PHF21A: variants seen among roughly 807,000 people sequenced by gnomAD.
PHF21A encodes the protein BHC80a.
In PHF21A, 11 loss-of-function variants were observed where a neutral mutation model predicts 82.5. The ratio of observed to expected loss-of-function variants is 0.13; its 90% CI spans 0.08 to 0.22. PHF21A has a LOEUF of 0.22. Ranked by LOEUF, PHF21A falls within the 10% of genes least tolerant of loss-of-function variation. PHF21A has a pLI of 1.00. For synonymous variants in PHF21A, 297 were observed against 302.8 expected, an observed-to-expected ratio of 0.98 and a Z score of 0.20; for missense variants, 579 against 837.8, an observed-to-expected ratio of 0.69 and a Z score of 3.81.
intron 6 of PHF21A, among the ~76,000 whole-genome samples, chr11:46,062,245 T>C (rs528994763): frequency 1.9e-4 from 29 of 152,236 alleles, no homozygotes; most frequent in African/African-American, 6.7e-4. Flanking sequence ...TTATATGCCC[T>C]TCGGTTGTGG....
intron 3 of PHF21A, among the ~76,000 whole-genome samples, chr11:46,086,452 CCAAT>C (rs1286199144): frequency 2.0e-5 from 3 of 152,226 alleles, no homozygotes; most frequent in African/African-American, 4.8e-5. Context: ...GGAATGATAA[CCAAT>C]CAATCAATAA....
intron 1 of PHF21A, among the ~76,000 whole-genome samples, chr11:46,118,520 T>C (rs1433661174): frequency 1.3e-5 from 2 of 152,024 alleles, no homozygotes; most frequent in East Asian, 1.9e-4. Flanking sequence ...CACTTAAGGA[T>C]AGTTGTACAT....
chr11:46,058,808 T>C (rs2096494309), intron 6 of PHF21A, among the ~76,000 whole-genome samples: 1 of 152,196 alleles, frequency 6.6e-6, no homozygotes, highest in South Asian at 2.1e-4. Flanking sequence ...AACAAGCCAG[T>C]GGGTCTGGGA....
At chr11:46,018,249 CAAAAA>C (rs772133757) in intron 6 of PHF21A, among the ~76,000 whole-genome samples, 3 of 76,254 alleles carry the variant, frequency 3.9e-5, no homozygotes, top group East Asian at 9.7e-4. Flanking sequence ...GACTCCGTCT[CAAAAA>C]AAAAAAAAAA....
chr11:45,941,283 G>A (rs1480302409), intron 15 of PHF21A, among the ~76,000 whole-genome samples: 1 of 152,040 alleles, frequency 6.6e-6, no homozygotes, highest in Non-Finnish European at 1.5e-5. Flanking sequence ...ATTTTTTGTA[G>A]AGATGGGGGT....
At chr11:46,070,235 A>G (rs1275252797) in intron 6 of PHF21A, among the ~76,000 whole-genome samples, 6 of 152,216 alleles carry the variant, frequency 3.9e-5, no homozygotes, top group Non-Finnish European at 5.9e-5. Context: ...CAAATTTAAA[A>G]TTGAGAATGA....
chr11:46,049,966 A>G (rs796901322), intron 6 of PHF21A, among the ~76,000 whole-genome samples: 44 of 152,392 alleles, frequency 2.9e-4, no homozygotes, highest in African/African-American at 1.1e-3. Context: ...TAACTCAATC[A>G]AAGTAGGACC....
intron 6 of PHF21A, among the ~76,000 whole-genome samples, chr11:46,040,919 ACACACACACACACACG>A (rs772152315): frequency 2.9e-4 from 44 of 149,382 alleles, no homozygotes; most frequent in Middle Eastern, 3.4e-3. Flanking sequence ...ACACACACAC[ACACACACACACACACG>A]CACGCACAAT....
chr11:46,004,469 T>C (rs1466205134), intron 6 of PHF21A, among the ~76,000 whole-genome samples: 3 of 152,134 alleles, frequency 2.0e-5, no homozygotes, highest in Non-Finnish European at 2.9e-5. Context: ...GAGAAGGAAG[T>C]CCTTGTTCTA....
intron 10 of PHF21A, 137 bp downstream of exon 10, chr11:45,965,178 T>C (rs2093358469): frequency 4.1e-6 from 3 of 730,482 alleles, no homozygotes; most frequent in South Asian, 3.8e-5. Context: ...GGATGAATTA[T>C]CGCACATAAG....
rs946682944 is a variant in PHF21A, at chr11:45,932,294, T to C, written c.*1674A>G. ...AGCAGCACCAAAGGAAGGGATCTTA[T>C]TTAGGCACCAGCCTTTTGCTCTAGC... is the stretch of plus-strand genomic sequence containing the variant. On this transcript the variant is annotated 3_prime_UTR_variant, in exon 19 of 19. Coordinates refer to ENST00000676320, the MANE Select transcript of PHF21A (RefSeq NM_001352027.3). This position sits in a 1 kb window ranked among gnomAD's most constrained non-coding sequence, Gnocchi z 4.3. The C allele has an allele frequency of 3.3e-5, 5 of 152,264 alleles. No homozygotes were observed. The highest frequency in any genetic ancestry group is 3.3e-4 in the Admixed American group (5 of 15,286). 9.4% of individuals were successfully genotyped at this position (152,264 alleles called of 1,614,324 possible).
chr11:46,078,008 T>G (rs1160440838), intron 5 of PHF21A, among the ~76,000 whole-genome samples: 1 of 152,114 alleles, frequency 6.6e-6, no homozygotes, highest in Non-Finnish European at 1.5e-5. Flanking sequence ...GCCTCCCAGG[T>G]TCAAGTGATT....
chr11:45,967,609 C>T (rs1165419455), intron 9 of PHF21A, among the ~76,000 whole-genome samples: 1 of 152,184 alleles, frequency 6.6e-6, no homozygotes, highest in Non-Finnish European at 1.5e-5. Flanking sequence ...TACACCTGAG[C>T]TATCCTTGGA....
intron 6 of PHF21A, among the ~76,000 whole-genome samples, chr11:46,067,598 C>CAAAA (rs11448208): frequency 5.5e-5 from 8 of 145,290 alleles, no homozygotes; most frequent in East Asian, 2.0e-4. Context: ...CCACCCCCCA[C>CAAAA]AAAAAAAAAA....
intron 6 of PHF21A, among the ~76,000 whole-genome samples, chr11:46,017,299 T>G (rs986403202): frequency 1.3e-5 from 2 of 152,200 alleles, no homozygotes; most frequent in Non-Finnish European, 1.5e-5. Flanking sequence ...ACAGGCATAT[T>G]TGCTATCTTC....
chr11:45,974,662 C>T (rs2093942705), intron 7 of PHF21A, among the ~76,000 whole-genome samples: 1 of 151,804 alleles, frequency 6.6e-6, no homozygotes, highest in African/African-American at 2.4e-5. Context: ...GCTATGTTGC[C>T]CAGGCTGGTC....
In PHF21A at chr11:46,069,982, A is replaced by G. The variant is rs2096637416; in HGVS notation, c.153+6772T>C. On this transcript the variant is annotated intron_variant, in intron 6 of 18. Transcript: ENST00000676320. ...GCATTAACTCCTCAATGCATAATCCAAACATTCCACGAATATGGAAAGAGA... is the reference window on the plus strand; with the variant it reads ...GCATTAACTCCTCAATGCATAATCCGAACATTCCACGAATATGGAAAGAGA... Among the ~76,000 whole-genome samples, 3 of 151,976 alleles carry G rather than the reference A, an allele frequency of 2.0e-5. No individual in the cohort carries two copies. In the South Asian group the frequency reaches 6.2e-4, roughly 31 times the overall value.
At chr11:46,023,681 C>T (rs912852205) in intron 6 of PHF21A, among the ~76,000 whole-genome samples, 2 of 152,190 alleles carry the variant, frequency 1.3e-5, no homozygotes, top group East Asian at 1.9e-4. Context: ...GGAGGCCAGG[C>T]GCAGTGGCTC....
intron 6 of PHF21A, among the ~76,000 whole-genome samples, chr11:45,991,628 G>A (rs1007844389): frequency 3.3e-5 from 5 of 152,068 alleles, no homozygotes; most frequent in Non-Finnish European, 5.9e-5. Flanking sequence ...AAGTAGAGAG[G>A]CAGTATTGTG....
Sources: gnomAD v4.1 joint callset for allele counts (sites outside exome capture counted in the v4.1 genomes callset) on GRCh38, gnomAD v4.1.1 for gene constraint, Gnocchi (gnomAD v3.1) non-coding constraint, MANE v1.5 for transcripts, NCBI Gene and HGNC (gene_info 2026-07-23, HGNC 2026-07-21) for gene names.